Variants in DGCR2 observed in about 807,000 individuals in gnomAD.
DGCR2 encodes integral membrane protein DGCR2/IDD.
Under a neutral mutation model 51.6 loss-of-function variants are expected in DGCR2, and 24 were observed. The ratio of observed to expected loss-of-function variants is 0.47; its 90% CI spans 0.34 to 0.65. DGCR2 has a LOEUF of 0.65. Among genes scored for constraint, DGCR2 ranks in the 30% least tolerant of loss-of-function variants. The pLI, the probability that DGCR2 is intolerant of heterozygous loss-of-function variation, is 0.01. For synonymous variants in DGCR2, 340 were observed against 315.4 expected (o/e 1.08, Z -0.82); for missense variants, 765 against 772.1 (o/e 0.99, Z 0.11).
intron 5 of DGCR2, among the ~76,000 whole-genome samples, chr22:19,062,956 A>T (rs1181261403): frequency 1.3e-5 from 2 of 152,054 alleles, no homozygotes; most frequent in Non-Finnish European, 2.9e-5. Context: ...GCGGGGGACA[A>T]TCTAGAAAGC....
At position 19,036,880 on chromosome 22, in the gene DGCR2, A is replaced by C. The variant is rs535877410; in HGVS notation, c.*1985T>G. 3.9e-5 allele frequency: 6 copies of C among 152,742 alleles called. No individual in the cohort carries two copies. The South Asian group carries it at 6.2e-4, about 16-fold the overall frequency. The allele number at this position is 152,742 out of a possible 1,614,324, so 9.5% of individuals were successfully genotyped here. A position where few individuals can be genotyped will look rare whatever the true frequency, so the allele number is the denominator to read the frequency against. On this transcript the variant is annotated 3_prime_UTR_variant, in exon 10 of 10. Coordinates refer to ENST00000263196, the MANE Select transcript of DGCR2 (RefSeq NM_005137.3). ...GCCCCTAATGTTCCTCTGGTCCCCA[A>C]AGGAAGCGTCCCAGTCCCACACATC...
chr22:19,073,972 C>G (rs1295024292), intron 2 of DGCR2, among the ~76,000 whole-genome samples: 2 of 152,222 alleles, frequency 1.3e-5, no homozygotes, highest in African/African-American at 4.8e-5. Context: ...TGAGGACCAC[C>G]AGGGGCGTCT....
intron 5 of DGCR2, among the ~76,000 whole-genome samples, chr22:19,062,859 T>C (rs1180316063): frequency 2.0e-5 from 3 of 150,184 alleles, no homozygotes; most frequent in Non-Finnish European, 4.5e-5. Flanking sequence ...ACCTTTGTCC[T>C]GGCAAGCTTG....
In DGCR2 at chr22:19,038,899, C is replaced by T. The variant is rs757473727; in HGVS notation, c.1619G>A (p.Arg540His). 3.1e-6 allele frequency: 5 copies of T among 1,612,808 alleles called. No individual in the cohort carries two copies. Among genetic ancestry groups the T allele is most frequent in the South Asian group, 1.1e-5 (1 of 91,034 alleles). Residue 540 changes from arginine (R) to histidine (H), a missense_variant, in exon 10 of 10, where the codon CGC becomes CAC. Arg to His is a conservative substitution (Grantham distance 29). Coordinates refer to ENST00000263196, the MANE Select transcript of DGCR2 (RefSeq NM_005137.3). ...PAAEALPGGG[R>H]HSRSSLNTVV The stretch of plus-strand genomic sequence containing the variant: ...AGTATTGAGGGAGCTGCGGCTGTGG[C>T]GGCCACCCCCTGGCAGTGCCTCTGC...
intron 2 of DGCR2, among the ~76,000 whole-genome samples, chr22:19,083,086 C>CAA (rs60335630): frequency 4.2e-5 from 5 of 118,236 alleles, no homozygotes; most frequent in East Asian, 4.9e-4. Flanking sequence ...GACCTTGTCT[C>CAA]AAAAAAAAAA....
intron 1 of DGCR2, among the ~76,000 whole-genome samples, chr22:19,118,800 TA>T (rs1328885566): frequency 6.6e-6 from 1 of 152,246 alleles, no homozygotes; most frequent in Non-Finnish European, 1.5e-5. Context: ...GTTTCACAAT[TA>T]AAGCTAGAAA....
At chr22:19,106,891 C>T (rs543975809) in intron 1 of DGCR2, among the ~76,000 whole-genome samples, 8 of 151,928 alleles carry the variant, frequency 5.3e-5, no homozygotes, top group Non-Finnish European at 1.2e-4. Context: ...TGAGCCATTT[C>T]CTTCACCGAG....
Position 19,038,735 on chromosome 22 carries a change from G to A in DGCR2, c.*130C>T, listed in dbSNP as rs947620155. ...GGCTGTGGTCTCTATGTACACACGC[G>A]AGCCCGCCAGTGACGTGCGGCAGTG... On this transcript the variant is annotated 3_prime_UTR_variant, in exon 10 of 10. Transcript: ENST00000263196. 1.8e-4 allele frequency: 235 copies of A among 1,297,072 alleles called. No homozygotes were observed. The highest frequency in any genetic ancestry group is 2.4e-4 in the Non-Finnish European group (224 of 937,112). The allele number at this position is 1,297,072 out of a possible 1,614,324, so 80.3% of individuals were successfully genotyped here.
intron 1 of DGCR2, among the ~76,000 whole-genome samples, chr22:19,102,288 T>C (rs2083210724): frequency 6.6e-6 from 1 of 152,176 alleles, no homozygotes; most frequent in Non-Finnish European, 1.5e-5. Flanking sequence ...ATAGGGAGTA[T>C]TGTCTAATGG....
intron 4 of DGCR2, among the ~76,000 whole-genome samples, chr22:19,063,683 T>C (rs1015921918): frequency 1.3e-5 from 2 of 152,112 alleles, no homozygotes; most frequent in African/African-American, 4.8e-5. Context: ...ACACTCATGT[T>C]AGAATGCATT....
At chr22:19,110,871 A>G (rs1180927788) in intron 1 of DGCR2, among the ~76,000 whole-genome samples, 1 of 152,226 alleles carries the variant, frequency 6.6e-6, no homozygotes, top group Non-Finnish European at 1.5e-5. Flanking sequence ...TCCTATAAAA[A>G]GACATCACAT....
intron 1 of DGCR2, among the ~76,000 whole-genome samples, chr22:19,119,253 G>A (rs1435775283): frequency 1.3e-5 from 2 of 152,116 alleles, no homozygotes; most frequent in African/African-American, 4.8e-5. Flanking sequence ...ATGATGGGGG[G>A]AAGGCCAGAC....
chr22:19,054,777 G>A (rs1016846193), intron 6 of DGCR2, among the ~76,000 whole-genome samples: 3 of 150,640 alleles, frequency 2.0e-5, no homozygotes, highest in African/African-American at 7.3e-5. Context: ...GGAGAGTATA[G>A]AAAAAAATGT....
intron 1 of DGCR2, among the ~76,000 whole-genome samples, chr22:19,119,735 C>CAAAAAAA (rs57362176): frequency 1.3e-5 from 1 of 78,156 alleles, no homozygotes; most frequent in African/African-American, 5.0e-5. Context: ...GACTCTGTCT[C>CAAAAAAA]AAAAAAAAAA....
intron 1 of DGCR2, among the ~76,000 whole-genome samples, chr22:19,110,913 A>AAC (rs753154295): frequency 1.3e-5 from 2 of 152,240 alleles, no homozygotes; most frequent in Non-Finnish European, 2.9e-5. Flanking sequence ...AGAAATATGC[A>AAC]ACAGCATTAA....
intron 6 of DGCR2, among the ~76,000 whole-genome samples, chr22:19,054,692 G>C (rs1003385879): frequency 2.6e-5 from 4 of 151,044 alleles, no homozygotes; most frequent in African/African-American, 4.9e-5. Flanking sequence ...GATCGTGCCT[G>C]TGATTAGCCA....
At chr22:19,056,857 G>T in intron 6 of DGCR2, 129 bp downstream of exon 6, 2 of 1,042,030 alleles carry the variant, frequency 1.9e-6, no homozygotes, top group East Asian at 2.7e-5. Context: ...AACAAGGTGT[G>T]AGCTGGTAAG....
intron 1 of DGCR2, among the ~76,000 whole-genome samples, chr22:19,094,090 C>T (rs1175301100): frequency 1.3e-5 from 2 of 152,204 alleles, no homozygotes; most frequent in Non-Finnish European, 1.5e-5. Flanking sequence ...CTAGCAAGCA[C>T]ATGAAAAGAT....
At chr22:19,099,486 G>C (rs1354749522) in intron 1 of DGCR2, among the ~76,000 whole-genome samples, 1 of 152,028 alleles carries the variant, frequency 6.6e-6, no homozygotes, top group Non-Finnish European at 1.5e-5. Context: ...AGGAGGCTGA[G>C]GTGGGAGAAT....
Sources: gnomAD v4.1 joint callset for allele counts (sites outside exome capture counted in the v4.1 genomes callset) on GRCh38, gnomAD v4.1.1 for gene constraint, MANE v1.5 for transcripts, NCBI Gene and HGNC (gene_info 2026-07-23, HGNC 2026-07-21) for gene names.